The following HROB variants were observed in gnomAD, a reference collection of about 807,000 sequenced individuals.
HROB encodes homologous recombination OB-fold protein.
Under a neutral mutation model 61.0 loss-of-function variants are expected in HROB, and 44 were observed. The ratio of observed to expected loss-of-function variants is 0.72; its 90% confidence interval spans 0.57 to 0.93. HROB has a LOEUF of 0.93. HROB is among the 40% of genes least tolerant of loss of function. The probability of loss-of-function intolerance (pLI) is 0.00; values close to 1 mark genes in which losing one functional copy is unlikely to be tolerated. For missense variants in HROB, 716 were observed against 796.2 expected (o/e 0.90, Z 1.21); for synonymous variants, 301 against 310.4 (o/e 0.97, Z 0.32).
chr17:44,155,416 G>A lies in HROB; in HGVS notation c.1770+5G>A. On this transcript the variant is annotated splice_donor_5th_base_variant and intron_variant, in intron 8 of 9. Transcript: ENST00000585683. ...CCATCTCAGCCCTTCCCCAAGGTAA[G>A]AGGAGCAGGAAGAAACGGGAGACTG... 6.2e-7 allele frequency: 1 copy of A among 1,613,794 alleles called. No individual in the cohort carries two copies. Among genetic ancestry groups the A allele is most frequent in the South Asian group, 1.1e-5 (1 of 91,006 alleles).
intron 1 of HROB, 110 bp downstream of exon 1, chr17:44,142,255 G>C: frequency 7.6e-7 from 1 of 1,315,978 alleles, no homozygotes. Flanking sequence ...ACCGGGGTCT[G>C]GGTGGGGGTT....
In HROB at chr17:44,148,330, G is replaced by T. The variant is rs758305519; in HGVS notation, c.527G>T (p.Cys176Phe). The change falls in exon 3 of 10, where the codon TGT (cysteine) becomes TTT (phenylalanine). Residue 176 changes from cysteine (C) to phenylalanine (F), a missense_variant. Physicochemically the swap from Cys to Phe is radical, Grantham distance 205. Transcript: ENST00000585683. Reference protein sequence around the residue: ...ELEEPGMELECGVSSEAIPIL... With the variant: ...ELEEPGMELEFGVSSEAIPIL... ...GAGGAGCCTGGCATGGAGCTGGAAT[G>T]TGGAGTCAGCAGTGAGGCCATACCA... 1.4e-5 allele frequency: 23 copies of T among 1,614,094 alleles called. No homozygotes were observed. The Admixed American group carries it at 1.8e-4, about 13-fold the overall frequency.
intron 9 of HROB, among the ~76,000 whole-genome samples, chr17:44,158,884 C>T (rs944389756): frequency 6.6e-6 from 1 of 152,038 alleles, no homozygotes. Flanking sequence ...CCTGACCTCG[C>T]GATCTGCCCG....
chr17:44,149,070 A>G, intron 3 of HROB, 43 bp downstream of exon 3: 1 of 1,558,810 alleles, frequency 6.4e-7, no homozygotes, highest in Non-Finnish European at 8.8e-7. Flanking sequence ...CAAGGGAGAG[A>G]AGCAGGGTTC....
intron 5 of HROB, 94 bp from the exon 6 acceptor site, chr17:44,154,462 C>A: frequency 8.8e-7 from 1 of 1,134,328 alleles, no homozygotes; most frequent in Non-Finnish European, 1.3e-6. Context: ...ATACTCTGAC[C>A]CCTCCTAACC....
intron 9 of HROB, among the ~76,000 whole-genome samples, chr17:44,158,635 A>T (rs1240879065): frequency 6.8e-6 from 1 of 146,156 alleles, no homozygotes; most frequent in Non-Finnish European, 1.5e-5. Context: ...GGTATGTGCC[A>T]CTATGCCCAG....
chr17:44,158,607 C>T (rs560864922), intron 9 of HROB, among the ~76,000 whole-genome samples: 13 of 152,060 alleles, frequency 8.5e-5, no homozygotes, highest in South Asian at 2.1e-4. Flanking sequence ...CTCAGCCTCC[C>T]GAGTAGCTGG....
chr17:44,143,454 T>C (rs993321556), intron 1 of HROB, among the ~76,000 whole-genome samples: 1 of 151,974 alleles, frequency 6.6e-6, no homozygotes, highest in Non-Finnish European at 1.5e-5. Flanking sequence ...CCAGCCTGGC[T>C]AACATGGTGA....
intron 8 of HROB, among the ~76,000 whole-genome samples, chr17:44,157,380 T>C (rs2251165): frequency 0.46 from 68,261 of 148,600 alleles, 18,686 homozygotes; most frequent in East Asian, 0.78. Flanking sequence ...GTGGCTGGCC[T>C]CTGCCATACT....
chr17:44,154,863 G>A lies in HROB; in HGVS notation c.1569G>A (p.Gln523=), dbSNP rs1379093837. The change falls in exon 7 of 10, where the codon CAG becomes CAA. Residue 523 remains glutamine, a synonymous_variant. Coordinates refer to ENST00000585683, the MANE Select transcript of HROB (RefSeq NM_001171251.3). ...VVFKDPTGEM[Q]GTVHRLLLET... is the part of the protein sequence containing the mutation. ...ATGTGGTATTTGCAGGAGAGATGCA[G>A]GGGACGGTGCACAGGTTGCTGCTGG... 6.2e-7 allele frequency: 1 copy of A among 1,613,978 alleles called. No individual in the cohort carries two copies. Among genetic ancestry groups the A allele is most frequent in the African/African-American group, 1.3e-5 (1 of 74,920 alleles).
At chr17:44,160,476 A>G (rs1173549772) in intron 9 of HROB, among the ~76,000 whole-genome samples, 2 of 152,052 alleles carry the variant, frequency 1.3e-5, no homozygotes, top group African/African-American at 2.4e-5. Flanking sequence ...GCTGAGGCAG[A>G]AGAATGGCAT....
chr17:44,143,181 A>ACCC (rs997554976), intron 1 of HROB, among the ~76,000 whole-genome samples: 15 of 151,864 alleles, frequency 9.9e-5, no homozygotes, highest in African/African-American at 3.6e-4. Flanking sequence ...CAGGTGGTCC[A>ACCC]CCCGCCTTGG....
In HROB at chr17:44,141,937, G is replaced by A; in HGVS notation, c.-206G>A. 1 of 594,300 alleles carries A rather than the reference G, an allele frequency of 1.7e-6. No homozygotes were observed. The highest frequency in any genetic ancestry group is 2.2e-5 in the South Asian group (1 of 44,728). 36.8% of individuals were successfully genotyped at this position (594,300 alleles called of 1,614,324 possible). A position where few individuals can be genotyped will look rare whatever the true frequency, so the allele number is the denominator to read the frequency against. On this transcript the variant is annotated 5_prime_UTR_variant, in exon 1 of 10. Transcript: ENST00000585683. ...AGAAGGCGGAGACGCCCCAGTGGCG[G>A]CGTCTTCGAATGCGGCCTAAGGCGC...
intron 8 of HROB, among the ~76,000 whole-genome samples, chr17:44,157,436 A>T: frequency 8.1e-6 from 1 of 124,040 alleles, no homozygotes. Context: ...TTTTTGGAGC[A>T]AGGGTCTCAC....
rs764466663 is a variant in HROB at position 44,155,413 on chromosome 17, T to A, written c.1770+2T>A. The A allele has an allele frequency of 4.1e-5, 66 of 1,613,510 alleles. No individual in the cohort carries two copies. The highest frequency in any genetic ancestry group is 5.4e-5 in the Non-Finnish European group (64 of 1,179,888). ...AAGCCATCTCAGCCCTTCCCCAAGG[T>A]AAGAGGAGCAGGAAGAAACGGGAGA... On this transcript the variant is annotated splice_donor_variant, in intron 8 of 9. Coordinates refer to ENST00000585683, the MANE Select transcript of HROB (RefSeq NM_001171251.3). LOFTEE classifies it high-confidence loss of function.
At chr17:44,156,356 C>G (rs1000279950) in intron 8 of HROB, among the ~76,000 whole-genome samples, 1 of 151,954 alleles carries the variant, frequency 6.6e-6, no homozygotes, top group Non-Finnish European at 1.5e-5. Flanking sequence ...CCACCTCAGC[C>G]TCCCGAACAG....
chr17:44,146,378 A>G (rs188669921), intron 2 of HROB, among the ~76,000 whole-genome samples: 2 of 152,252 alleles, frequency 1.3e-5, no homozygotes, highest in African/African-American at 2.4e-5. Flanking sequence ...ATAATTCACA[A>G]CTGCCAGTTT....
Position 44,148,837 on chromosome 17 carries a change from C to T in HROB, c.1034C>T (p.Pro345Leu), listed in dbSNP as rs749106744. ...CGGATACCCTTACAACCGCAAGCTC[C>T]AGTGTCTTCCATTGGGTCTCCTGTT... Reference protein sequence around the residue: ...FPRIPLQPQAPVSSIGSPVGT... With the variant: ...FPRIPLQPQALVSSIGSPVGT... The change falls in exon 3 of 10, where the codon CCA becomes CTA. Residue 345 changes from proline to leucine, a missense_variant. Transcript: ENST00000585683. 6 of 1,614,212 alleles carry T rather than the reference C, an allele frequency of 3.7e-6. No homozygotes were observed. Among genetic ancestry groups the T allele is most frequent in the Non-Finnish European group, 4.2e-6 (5 of 1,180,042 alleles).
At chr17:44,143,417 G>A (rs1229270138) in intron 1 of HROB, among the ~76,000 whole-genome samples, 1 of 152,102 alleles carries the variant, frequency 6.6e-6, no homozygotes, top group Non-Finnish European at 1.5e-5. Flanking sequence ...GCTGAGGTGG[G>A]CAGATCACAA....
Sources: gnomAD v4.1 joint callset for allele counts (sites outside exome capture counted in the v4.1 genomes callset) on GRCh38, gnomAD v4.1.1 for gene constraint, MANE v1.5 for transcripts, NCBI Gene and HGNC (gene_info 2026-07-23, HGNC 2026-07-21) for gene names.